MRPL39: variants seen among roughly 807,000 people sequenced by gnomAD.
MRPL39 encodes mitochondrial ribosomal protein L39.
A neutral mutation model predicts 44.5 loss-of-function variants in MRPL39; 35 were observed. The observed-to-expected ratio is 0.79, with a 90% confidence interval of 0.60 to 1.04. The LOEUF is 1.04. Ranked by LOEUF, MRPL39 falls within the 50% of genes least tolerant of loss-of-function variation. MRPL39 has a pLI of 0.00. For missense variants in MRPL39, 433 were observed against 413.5 expected, an observed-to-expected ratio of 1.05 and a Z score of -0.41; for synonymous variants, 139 against 136.1, an observed-to-expected ratio of 1.02 and a Z score of -0.15.
chr21:25,601,847 A>G (rs1182166119), intron 3 of MRPL39, among the ~76,000 whole-genome samples: 1 of 152,252 alleles, frequency 6.6e-6, no homozygotes, highest in African/African-American at 2.4e-5. Context: ...TATCATTTAT[A>G]AATATGGAGA....
chr21:25,607,458 C>A lies in MRPL39; in HGVS notation c.18G>T (p.Met6Ile), dbSNP rs1466700728. ...GCCAGAGCCGCAGCGCCCGGGAACC[C>A]ATGGCCAGCGCCTCCATAGCAGCGG... MEALA[M>I]GSRALRLWLV... is the part of the protein sequence containing the mutation. Residue 6 changes from methionine to isoleucine, a missense_variant, in exon 1 of 10, where the codon ATG (methionine) becomes ATT (isoleucine). By Grantham distance (10) the Met-to-Ile change is conservative. Coordinates refer to ENST00000352957, the MANE Select transcript of MRPL39 (RefSeq NM_017446.4). 6.2e-7 allele frequency: 1 copy of A among 1,612,658 alleles called. No individual in the cohort carries two copies. Among genetic ancestry groups the A allele is most frequent in the South Asian group, 1.1e-5 (1 of 91,078 alleles).
chr21:25,592,696 G>A (rs2031216438), intron 8 of MRPL39, 116 bp downstream of exon 8: 1 of 713,568 alleles, frequency 1.4e-6, no homozygotes, highest in African/African-American at 1.8e-5. Context: ...TAAAATATTA[G>A]TGTCACATAA....
chr21:25,588,553 T>C (rs559020876), intron 9 of MRPL39, among the ~76,000 whole-genome samples: 1 of 152,340 alleles, frequency 6.6e-6, no homozygotes, highest in African/African-American at 2.4e-5. Flanking sequence ...TTACAACTAT[T>C]AAGAACTATT....
intron 8 of MRPL39, among the ~76,000 whole-genome samples, chr21:25,589,278 G>A (rs2031099476): frequency 6.6e-6 from 1 of 152,106 alleles, no homozygotes; most frequent in African/African-American, 2.4e-5. Flanking sequence ...CAACATTCTA[G>A]AAGTCATTCT....
upstream of MRPL39, chr21:25,607,655 G>T: frequency 1.5e-6 from 1 of 650,166 alleles, no homozygotes; most frequent in Non-Finnish European, 2.6e-6. Flanking sequence ...GAGACTCGGA[G>T]CCGGGGCGCG....
At chr21:25,588,923 A>G (rs775677961) in intron 8 of MRPL39, 41 bp from the exon 9 acceptor site, 3 of 1,535,414 alleles carry the variant, frequency 2.0e-6, no homozygotes, top group Non-Finnish European at 2.7e-6. Context: ...ATGAAGCAGT[A>G]ATGTCAAAGT....
At chr21:25,595,325 G>T (rs528158570) in intron 6 of MRPL39, among the ~76,000 whole-genome samples, 2 of 152,194 alleles carry the variant, frequency 1.3e-5, no homozygotes, top group South Asian at 4.2e-4. Flanking sequence ...CCTGTCCCCT[G>T]AGAGTCAAAG....
At chr21:25,592,360 T>C (rs553772208) in intron 8 of MRPL39, among the ~76,000 whole-genome samples, 2 of 152,330 alleles carry the variant, frequency 1.3e-5, no homozygotes, top group East Asian at 1.9e-4. Flanking sequence ...GGGATCTCTC[T>C]ATGTCTTATA....
intron 2 of MRPL39, among the ~76,000 whole-genome samples, chr21:25,605,814 A>C (rs1226237062): frequency 4.6e-5 from 7 of 152,134 alleles, no homozygotes; most frequent in African/African-American, 7.2e-5. Context: ...TGAGGCTAGG[A>C]GTTTCAGTGA....
At position 25,606,476 on chromosome 21, in the gene MRPL39, T is replaced by C. The variant is rs1055140705; in HGVS notation, c.253A>G (p.Ile85Val). ...ATGGCACAACTGTAGGGAGTTGAAA[T>C]GTTTTTATTCATCACGAAGACAGTA... ...PGTVFVMNKN[I>V]STPYSCAMHL... Residue 85 changes from isoleucine to valine, a missense_variant, in exon 2 of 10, where the codon ATT (isoleucine) becomes GTT (valine). Ile to Val is a conservative substitution (Grantham distance 29). Transcript: ENST00000352957. 11 of 1,611,112 alleles carry C rather than the reference T, an allele frequency of 6.8e-6. No individual in the cohort carries two copies. Among genetic ancestry groups the C allele is most frequent in the East Asian group, 4.5e-5 (2 of 44,844 alleles).
At chr21:25,597,909 A>G (rs566685605) in intron 5 of MRPL39, among the ~76,000 whole-genome samples, 9 of 152,304 alleles carry the variant, frequency 5.9e-5, no homozygotes, top group African/African-American at 1.9e-4. Context: ...AGCATGTCCA[A>G]TATTAAAAGT....
intron 4 of MRPL39, 40 bp from the exon 5 acceptor site, chr21:25,599,906 C>T: frequency 1.3e-6 from 2 of 1,500,872 alleles, no homozygotes; most frequent in Non-Finnish European, 1.9e-6. Flanking sequence ...GTCAAATCTG[C>T]CCCAACAGAA....
intron 2 of MRPL39, among the ~76,000 whole-genome samples, chr21:25,604,407 G>A (rs2031607584): frequency 6.6e-6 from 1 of 152,138 alleles, no homozygotes. Context: ...AGTTACACTT[G>A]AATATTCAGA....
At chr21:25,595,494 C>T (rs141033890) in intron 6 of MRPL39, among the ~76,000 whole-genome samples, 184 of 152,302 alleles carry the variant, frequency 1.2e-3, no homozygotes, top group African/African-American at 4.3e-3. Flanking sequence ...GAAGCCGCTA[C>T]CAGTCCTTGA....
At chr21:25,597,595 T>C (rs1163715994) in intron 5 of MRPL39, among the ~76,000 whole-genome samples, 181 bp from the exon 6 acceptor site, 1 of 152,212 alleles carries the variant, frequency 6.6e-6, no homozygotes, top group East Asian at 1.9e-4. Flanking sequence ...CCATAAACTA[T>C]AAAACTTCTT....
intron 5 of MRPL39, among the ~76,000 whole-genome samples, chr21:25,598,591 G>A (rs1267558343): frequency 6.6e-6 from 1 of 152,056 alleles, no homozygotes; most frequent in African/African-American, 2.4e-5. Context: ...AAGCTACACT[G>A]ACAGGAGCCC....
intron 3 of MRPL39, 34 bp downstream of exon 3, chr21:25,603,762 G>A (rs1416261268): frequency 6.4e-7 from 1 of 1,572,468 alleles, no homozygotes; most frequent in Admixed American, 2.0e-5. Context: ...GAAGATACTG[G>A]GGAAATAGAA....
intron 4 of MRPL39, among the ~76,000 whole-genome samples, chr21:25,600,630 C>G (rs748002982): frequency 1.3e-5 from 2 of 151,194 alleles, no homozygotes; most frequent in African/African-American, 4.9e-5. Context: ...TTCCAAAATC[C>G]TAGTTTTAGC....
rs758609137 is a variant in MRPL39 at position 25,588,862 on chromosome 21, AT to A, written c.941del (p.Asp314ValfsTer11). The A allele has an allele frequency of 1.2e-6, 2 of 1,613,126 alleles. No individual in the cohort carries two copies. Among genetic ancestry groups the A allele is most frequent in the South Asian group, 2.2e-5 (2 of 91,012 alleles). On this transcript the variant is annotated frameshift_variant, in exon 9 of 10. Coordinates refer to ENST00000352957, the MANE Select transcript of MRPL39 (RefSeq NM_017446.4). LOFTEE classifies it high-confidence loss of function. The stretch of plus-strand genomic sequence containing the variant: ...TTTTCCGAGATCTTTCCAATAGCTT[AT>A]CCCATATTGTAAAATGTGCCTTGAA... The part of the protein sequence containing the change: ...VHLRAHFTIW[D>X]KLLERSRKMV...
Sources: gnomAD v4.1 joint callset for allele counts (sites outside exome capture counted in the v4.1 genomes callset) on GRCh38, gnomAD v4.1.1 for gene constraint, MANE v1.5 for transcripts, NCBI Gene and HGNC (gene_info 2026-07-23, HGNC 2026-07-21) for gene names.